The following SLC39A8 variants were observed in gnomAD, a reference collection of about 807,000 sequenced individuals.
SLC39A8 encodes solute carrier family 39 member 8.
SLC39A8 carries 15 observed loss-of-function variants against 40.4 expected under a neutral mutation model. That is an observed-to-expected ratio of 0.37 (90% CI 0.25 to 0.57). The LOEUF (loss-of-function observed/expected upper bound fraction) is 0.57, where lower values mean the gene tolerates loss of function less well. Among genes scored for constraint, SLC39A8 ranks in the 20% least tolerant of loss-of-function variants. SLC39A8 has a pLI of 0.75. For synonymous variants in SLC39A8, 223 were observed against 221.6 expected (o/e 1.01, Z -0.06); for missense variants, 472 against 558.8 (o/e 0.84, Z 1.57).
Position 102,344,804 on chromosome 4 carries a change from G to C in SLC39A8, c.-142C>G, listed in dbSNP as rs1274283308. On this transcript the variant is annotated 5_prime_UTR_variant, in exon 2 of 9. Coordinates refer to ENST00000356736, the MANE Select transcript of SLC39A8 (RefSeq NM_001135146.2). The stretch of plus-strand genomic sequence containing the variant: ...GTCAGAGGTGGCGCGGGACGCCCCT[G>C]GTTCTCCGACGCCTTCGAAAGAACA... 13 of 1,322,694 alleles carry C rather than the reference G, an allele frequency of 9.8e-6. No individual in the cohort carries two copies. In the East Asian group the frequency reaches 3.8e-4, roughly 38 times the overall value. 81.9% of individuals were successfully genotyped at this position (1,322,694 alleles called of 1,614,324 possible). A position where few individuals can be genotyped will look rare whatever the true frequency, so the allele number is the denominator to read the frequency against.
chr4:102,257,929 C>G (rs1731745139), downstream of SLC39A8, among the ~76,000 whole-genome samples: 1 of 152,154 alleles, frequency 6.6e-6, no homozygotes, highest in Non-Finnish European at 1.5e-5. Flanking sequence ...AAAGGGCTCT[C>G]CTGCTGTTTG....
intron 2 of SLC39A8, among the ~76,000 whole-genome samples, chr4:102,339,686 G>A (rs1262060928): frequency 6.6e-6 from 1 of 152,022 alleles, no homozygotes; most frequent in Non-Finnish European, 1.5e-5. Flanking sequence ...CTTCAGCCAT[G>A]CCTGCTCTTC....
chr4:102,313,436 T>C (rs1418109829), intron 3 of SLC39A8, among the ~76,000 whole-genome samples: 2 of 152,110 alleles, frequency 1.3e-5, no homozygotes, highest in Non-Finnish European at 2.9e-5. Context: ...TGTTATTTCT[T>C]TTATTCATAT....
intron 6 of SLC39A8, among the ~76,000 whole-genome samples, chr4:102,276,363 A>C (rs1732615692): frequency 1.3e-5 from 2 of 152,232 alleles, no homozygotes; most frequent in South Asian, 4.1e-4. Context: ...AAACACTTCT[A>C]CGCAAATAAA....
intron 6 of SLC39A8, among the ~76,000 whole-genome samples, chr4:102,284,072 T>C (rs1733037795): frequency 6.6e-6 from 1 of 152,234 alleles, no homozygotes; most frequent in Admixed American, 6.5e-5. Context: ...TATCACATTT[T>C]AATTCCCTGC....
chr4:102,306,149 AT>A (rs2149034303), intron 4 of SLC39A8, among the ~76,000 whole-genome samples: 2 of 152,158 alleles, frequency 1.3e-5, no homozygotes, highest in South Asian at 4.1e-4. Flanking sequence ...ACAAAGACAG[AT>A]TCTTTATATT....
chr4:102,277,271 G>A (rs544508147), intron 6 of SLC39A8, among the ~76,000 whole-genome samples: 44 of 152,316 alleles, frequency 2.9e-4, no homozygotes, highest in African/African-American at 9.1e-4. Flanking sequence ...TCCTTAAGCT[G>A]CTAAGCAACT....
exon 12 of SLC39A8, chr4:102,252,197 A>G (rs1005395648): frequency 4.6e-5 from 7 of 152,384 alleles, no homozygotes; most frequent in Admixed American, 6.5e-5. Context: ...TCTAAGGTAC[A>G]GTCAAAGAAA....
chr4:102,337,547 T>C (rs1201821091), intron 2 of SLC39A8, among the ~76,000 whole-genome samples: 1 of 152,122 alleles, frequency 6.6e-6, no homozygotes, highest in Non-Finnish European at 1.5e-5. Flanking sequence ...TAGTTAAGAG[T>C]CAGTGATTCT....
At chr4:102,293,337 A>G (rs1319005299) in intron 6 of SLC39A8, among the ~76,000 whole-genome samples, 1 of 152,038 alleles carries the variant, frequency 6.6e-6, no homozygotes, top group Non-Finnish European at 1.5e-5. Context: ...TGGAAACAAG[A>G]CAAATTACCA....
At chr4:102,282,211 C>G (rs989210206) in intron 6 of SLC39A8, among the ~76,000 whole-genome samples, 3 of 152,174 alleles carry the variant, frequency 2.0e-5, no homozygotes, top group African/African-American at 7.2e-5. Context: ...GTTGTTGGTT[C>G]CTGTTCACCC....
At chr4:102,335,339 GCTAA>G (rs1327191348) in intron 2 of SLC39A8, among the ~76,000 whole-genome samples, 1 of 152,140 alleles carries the variant, frequency 6.6e-6, no homozygotes, top group Non-Finnish European at 1.5e-5. Flanking sequence ...TGAAGTTCGG[GCTAA>G]CTTTCTGTTT....
chr4:102,338,290 C>T (rs1407585992), intron 2 of SLC39A8, among the ~76,000 whole-genome samples: 1 of 151,638 alleles, frequency 6.6e-6, no homozygotes, highest in Non-Finnish European at 1.5e-5. Flanking sequence ...GGGTTCACGC[C>T]ATTCTCCTGC....
In SLC39A8 at chr4:102,295,690, C is replaced by T. The variant is rs200011413; in HGVS notation, c.840+8627G>A. ...AATTACAGGCATGAGCCAACAGTGC[C>T]TGGCCCAATGTTTGTTTTATTTTTT... is the stretch of plus-strand genomic sequence containing the variant. On this transcript the variant is annotated intron_variant, in intron 6 of 8. Coordinates refer to ENST00000356736, the MANE Select transcript of SLC39A8 (RefSeq NM_001135146.2). Among the ~76,000 whole-genome samples the T allele has an allele frequency of 3.3e-5, 5 of 152,044 alleles. No homozygotes were observed. In the East Asian group the frequency reaches 5.8e-4, roughly 18 times the overall value.
chr4:102,261,783 T>C lies in SLC39A8; in HGVS notation c.*1261A>G, dbSNP rs904359399. 2.0e-6 allele frequency: 2 copies of C among 985,840 alleles called. No homozygotes were observed. The highest frequency in any genetic ancestry group is 2.4e-6 in the Non-Finnish European group (2 of 829,874). The allele number at this position is 985,840 out of a possible 1,614,324, so 61.1% of individuals were successfully genotyped here. On this transcript the variant is annotated 3_prime_UTR_variant, in exon 9 of 9. Transcript: ENST00000356736. Reference sequence around the variant, plus strand: ...TCACCAAATCTGCATTGCTGCTACATGAAAACATTTTTTGGTCTGTTGGAA... The same window carrying C: ...TCACCAAATCTGCATTGCTGCTACACGAAAACATTTTTTGGTCTGTTGGAA...
intron 2 of SLC39A8, among the ~76,000 whole-genome samples, chr4:102,334,852 T>C (rs1318820613): frequency 2.0e-5 from 3 of 152,174 alleles, no homozygotes; most frequent in African/African-American, 7.2e-5. Context: ...CTACCTAAGG[T>C]TGAGTTTCCT....
At chr4:102,299,979 G>A (rs745674343) in intron 6 of SLC39A8, among the ~76,000 whole-genome samples, 22 of 152,058 alleles carry the variant, frequency 1.4e-4, no homozygotes, top group Non-Finnish European at 2.8e-4. Flanking sequence ...CAGGAACGTC[G>A]AAGAGAAAAA....
chr4:102,258,097 G>GTTT (rs1270948341), downstream of SLC39A8, among the ~76,000 whole-genome samples: 34 of 136,692 alleles, frequency 2.5e-4, no homozygotes, highest in African/African-American at 1.0e-3. Context: ...GTAAGTAAGT[G>GTTT]TTTTTTGTTT....
intron 2 of SLC39A8, among the ~76,000 whole-genome samples, chr4:102,323,592 A>G (rs1560563574): frequency 6.6e-6 from 1 of 152,362 alleles, no homozygotes; most frequent in East Asian, 1.9e-4. Flanking sequence ...TGGGAAGCAT[A>G]TAAGGACTAC....
Sources: allele counts gnomAD v4.1 joint callset (sites outside exome capture counted in the v4.1 genomes callset), GRCh38; gene constraint gnomAD v4.1.1; transcripts MANE v1.5; gene names NCBI Gene and HGNC (gene_info 2026-07-23, HGNC 2026-07-21).